Variants in ABCF2 observed in about 807,000 individuals in gnomAD.
ABCF2 encodes ATP binding cassette subfamily F member 2.
In ABCF2, 37 loss-of-function variants were observed where a neutral mutation model predicts 76.9. The observed-to-expected ratio is 0.48, with a 90% CI of 0.37 to 0.63. The LOEUF is 0.63. ABCF2 is among the 30% of genes least tolerant of loss of function. The probability of loss-of-function intolerance (pLI) is 0.00; values close to 1 mark genes in which losing one functional copy is unlikely to be tolerated. For synonymous variants in ABCF2, 299 were observed against 283.7 expected (o/e 1.05, Z -0.54); for missense variants, 524 against 782.1 (o/e 0.67, Z 3.94).
At chr7:151,216,943 T>C (rs988558831) in intron 11 of ABCF2, among the ~76,000 whole-genome samples, 1 of 152,176 alleles carries the variant, frequency 6.6e-6, no homozygotes, top group African/African-American at 2.4e-5. Context: ...GATGGCAATT[T>C]TAAGAGTGGT....
rs1802131781 is a variant in ABCF2, at chr7:151,215,506, C to A, written c.1530+98G>T. 6.8e-6 allele frequency: 10 copies of A among 1,479,058 alleles called. No individual in the cohort carries two copies. The South Asian group carries it at 1.1e-4, about 16-fold the overall frequency. 91.6% of individuals were successfully genotyped at this position (1,479,058 alleles called of 1,614,324 possible). Reference sequence around the variant, plus strand: ...CAAATGGAGGAGACTCTGGTTTGGACAGCTTCCAAACCCAGGCTGCCAGGA... The same window carrying A: ...CAAATGGAGGAGACTCTGGTTTGGAAAGCTTCCAAACCCAGGCTGCCAGGA... On this transcript the variant is annotated intron_variant, in intron 13 of 14. Transcript: ENST00000287844. The surrounding 1 kb of genome is among the most constrained non-coding windows in gnomAD (Gnocchi z 4.6).
chr7:151,215,111 T>C lies in ABCF2; in HGVS notation c.1531-29A>G. 6.3e-7 allele frequency: 1 copy of C among 1,592,994 alleles called. No homozygotes were observed. The highest frequency in any genetic ancestry group is 8.6e-7 in the Non-Finnish European group (1 of 1,167,876). ...AGTAGAACCGTGACCTACATATAAC[T>C]TGGCATTATCCCCGCCAAACAGCAC... On this transcript the variant is annotated intron_variant, in intron 13 of 14. Coordinates refer to ENST00000287844, the MANE Select transcript of ABCF2 (RefSeq NM_007189.3). The surrounding 1 kb of genome is among the most constrained non-coding windows in gnomAD (Gnocchi z 4.6).
At chr7:151,218,936 G>C in intron 8 of ABCF2, 63 bp from the exon 9 acceptor site, 1 of 1,609,186 alleles carries the variant, frequency 6.2e-7, no homozygotes, top group Non-Finnish European at 8.5e-7. Flanking sequence ...CTTCAATCCA[G>C]GGTAAAAATG....
rs1340943482 is a variant in ABCF2, at chr7:151,213,858, C to CA, written c.*195dup. The stretch of plus-strand genomic sequence containing the variant: ...TGGACAGATGTAACTGGAAGGAGGA[C>CA]AGGAAACAGACAGGTACTGTCCAGC... On this transcript the variant is annotated 3_prime_UTR_variant, in exon 15 of 15. Coordinates refer to ENST00000287844, the MANE Select transcript of ABCF2 (RefSeq NM_007189.3). The CA allele has an allele frequency of 6.4e-6, 9 of 1,407,946 alleles. No individual in the cohort carries two copies. Among genetic ancestry groups the CA allele is most frequent in the Admixed American group, 3.1e-5 (1 of 32,084 alleles). 87.2% of individuals were successfully genotyped at this position (1,407,946 alleles called of 1,614,324 possible).
At chr7:151,225,075 A>G (rs1802346705) in intron 2 of ABCF2, 87 bp from the exon 3 acceptor site, 1 of 1,204,388 alleles carries the variant, frequency 8.3e-7, no homozygotes, top group Non-Finnish European at 1.2e-6. Context: ...CCAGGCTCCA[A>G]TCCTGCTGAG....
rs1367731051 is a variant in ABCF2, at chr7:151,212,893, G to C, written c.*1161C>G. ...AGCTCACTGCAACCTCCACCTCCTGGGCTCAAGCGATCCATCCACCCTAGC... is the reference window on the plus strand; with the variant it reads ...AGCTCACTGCAACCTCCACCTCCTGCGCTCAAGCGATCCATCCACCCTAGC... On this transcript the variant is annotated 3_prime_UTR_variant, in exon 15 of 15. Transcript: ENST00000287844. The C allele has an allele frequency of 5.6e-6, 1 of 178,686 alleles. No individual in the cohort carries two copies. Among genetic ancestry groups the C allele is most frequent in the East Asian group, 1.9e-4 (1 of 5,304 alleles). 11.1% of individuals were successfully genotyped at this position (178,686 alleles called of 1,614,324 possible). A position where few individuals can be genotyped will look rare whatever the true frequency, so the allele number is the denominator to read the frequency against.
chr7:151,220,513 C>T (rs1025885169), intron 7 of ABCF2, among the ~76,000 whole-genome samples: 1 of 152,064 alleles, frequency 6.6e-6, no homozygotes, highest in African/African-American at 2.4e-5. Context: ...AACTAATACT[C>T]CTATGACTAT....
At chr7:151,222,697 T>C (rs1802295515) in intron 5 of ABCF2, 81 bp from the exon 6 acceptor site, 1 of 1,159,650 alleles carries the variant, frequency 8.6e-7, no homozygotes, top group Admixed American at 2.0e-5. Context: ...GCCTGCTACA[T>C]GCAATTCTGA....
Position 151,213,928 on chromosome 7 carries a change from G to T in ABCF2, c.*126C>A. On this transcript the variant is annotated 3_prime_UTR_variant, in exon 15 of 15. Transcript: ENST00000287844. ...CTAAGGCAGGTTGAGGGGCAGGGGA[G>T]AGGCTGGGGGAGCAGTATTGCAGCA... 1 of 1,493,980 alleles carries T rather than the reference G, an allele frequency of 6.7e-7. No individual in the cohort carries two copies. Among genetic ancestry groups the T allele is most frequent in the South Asian group, 1.4e-5 (1 of 72,430 alleles). 92.5% of individuals were successfully genotyped at this position (1,493,980 alleles called of 1,614,324 possible).
chr7:151,226,226 A>G (rs947517110), intron 2 of ABCF2, 79 bp downstream of exon 2: 4 of 1,488,816 alleles, frequency 2.7e-6, no homozygotes, highest in Non-Finnish European at 2.7e-6. Context: ...CACTACCCCC[A>G]GCATCAAGAT....
Position 151,215,715 on chromosome 7 carries a change from C to T in ABCF2, c.1419G>A (p.Leu473=), listed in dbSNP as rs1304143090. The stretch of plus-strand genomic sequence containing the variant: ...ACTCCAAAGGTGAGAGATCTAAGTC[C>T]AGCTGCTCTTGTAAATGCTACAGGA... ...GRYHQHLQEQ[L]DLDLSPLEYM... is the part of the protein sequence containing the mutation. The change falls in exon 13 of 15, where the codon CTG becomes CTA. Residue 473 remains leucine, a synonymous_variant. Transcript: ENST00000287844. The surrounding 1 kb of genome is among the most constrained non-coding windows in gnomAD (Gnocchi z 4.6). 2 of 1,614,200 alleles carry T rather than the reference C, an allele frequency of 1.2e-6. No homozygotes were observed. Among genetic ancestry groups the T allele is most frequent in the Admixed American group, 3.3e-5 (2 of 60,030 alleles).
Position 151,219,107 on chromosome 7 carries a change from A to G in ABCF2, c.974T>C (p.Met325Thr), listed in dbSNP as rs1802214026. The G allele has an allele frequency of 1.2e-6, 2 of 1,613,766 alleles. No individual in the cohort carries two copies. Among genetic ancestry groups the G allele is most frequent in the Non-Finnish European group, 1.7e-6 (2 of 1,179,998 alleles). The stretch of plus-strand genomic sequence containing the variant: ...ATCTTGCTCCCAGTGAAACCTCTTC[A>G]TCTGGTTCTCCTCCAGCTCTAGCCG... ...KTRLELEENQ[M>T]KRFHWEQDQI... Residue 325 changes from methionine (M) to threonine (T), a missense_variant, in exon 8 of 15, where the codon ATG (methionine) becomes ACG (threonine). Around this residue, in one of 2 missense-constraint regions of ABCF2, gnomAD observed 330 missense variants for 433.6 expected, o/e 0.76. Coordinates refer to ENST00000287844, the MANE Select transcript of ABCF2 (RefSeq NM_007189.3).
intron 2 of ABCF2, among the ~76,000 whole-genome samples, chr7:151,225,687 G>C (rs1411815632): frequency 6.6e-6 from 1 of 152,242 alleles, no homozygotes; most frequent in Non-Finnish European, 1.5e-5. Context: ...GGAGTTTTCA[G>C]GGGGCAGGGA....
chr7:151,212,507 TTTA>T lies in ABCF2; in HGVS notation c.*1544_*1546del. The T allele has an allele frequency of 1.0e-6, 1 of 985,448 alleles. No individual in the cohort carries two copies. Among genetic ancestry groups the T allele is most frequent in the Non-Finnish European group, 1.2e-6 (1 of 829,918 alleles). 61.0% of individuals were successfully genotyped at this position (985,448 alleles called of 1,614,324 possible). A position where few individuals can be genotyped will look rare whatever the true frequency, so the allele number is the denominator to read the frequency against. On this transcript the variant is annotated 3_prime_UTR_variant, in exon 15 of 15. Transcript: ENST00000287844. ...TCTGATGCTCAGCAATCTGAATTTT[TTTA>T]TTTTTTTGAGACAGTGTCTCGGTCT... is the stretch of plus-strand genomic sequence containing the variant.
intron 11 of ABCF2, among the ~76,000 whole-genome samples, chr7:151,217,719 G>C (rs1287503470): frequency 7.0e-6 from 1 of 142,366 alleles, no homozygotes; most frequent in African/African-American, 2.6e-5. Flanking sequence ...CTTGAACTCG[G>C]GGGATGAAGG....
At position 151,226,399 on chromosome 7, in the gene ABCF2, T is replaced by G. The variant is rs746104141; in HGVS notation, c.60A>C (p.Arg20=). ...AAKKKEAAKA[R]QRPRKGHEEN... is the part of the protein sequence containing the mutation. ...CTTCATGTCCTTTTCTGGGCCGCTG[T>G]CGAGCTTTGGCAGCCTCCTTCTTTT... The change falls in exon 2 of 15, where the codon CGA becomes CGC. Residue 20 remains arginine, a synonymous_variant. Transcript: ENST00000287844. The G allele has an allele frequency of 6.2e-7, 1 of 1,614,218 alleles. No homozygotes were observed. Among genetic ancestry groups the G allele is most frequent in the South Asian group, 1.1e-5 (1 of 91,084 alleles).
chr7:151,226,742 G>A (rs1390550306), intron 1 of ABCF2: 1 of 302,118 alleles, frequency 3.3e-6, no homozygotes, highest in East Asian at 6.2e-5. Context: ...CCTCACTTTG[G>A]AAACGCTCCT....
In ABCF2 at chr7:151,212,471, T is replaced by C; in HGVS notation, c.*1583A>G. The C allele has an allele frequency of 1.0e-6, 1 of 985,484 alleles. No homozygotes were observed. Among genetic ancestry groups the C allele is most frequent in the African/African-American group, 1.7e-5 (1 of 57,378 alleles). The allele number at this position is 985,484 out of a possible 1,614,324, so 61.0% of individuals were successfully genotyped here. On this transcript the variant is annotated 3_prime_UTR_variant, in exon 15 of 15. Coordinates refer to ENST00000287844, the MANE Select transcript of ABCF2 (RefSeq NM_007189.3). The stretch of plus-strand genomic sequence containing the variant: ...CCTCTCTCATTCTACCAAATGCGAT[T>C]AATCAATAGGTCTGATGCTCAGCAA...
rs371657761 is a variant in ABCF2 at position 151,217,678 on chromosome 7, A to G, written c.1338+403T>C. ...AGCTGTGGCGTGTGCCTGTAATCCC[A>G]GCTACTTGGGAGGCTGAGGCAGGAG... On this transcript the variant is annotated intron_variant, in intron 11 of 14. Coordinates refer to ENST00000287844, the MANE Select transcript of ABCF2 (RefSeq NM_007189.3). Among the ~76,000 whole-genome samples the G allele has an allele frequency of 3.8e-4, 58 of 152,094 alleles. No individual in the cohort carries two copies. The South Asian group carries it at 0.011, about 30-fold the overall frequency.
Sources: allele counts gnomAD v4.1 joint callset (sites outside exome capture counted in the v4.1 genomes callset), GRCh38; gene constraint gnomAD v4.1.1; regional missense constraint gnomAD v4.1.1; non-coding constraint Gnocchi (gnomAD v3.1); transcripts MANE v1.5; gene names NCBI Gene and HGNC (gene_info 2026-07-23, HGNC 2026-07-21).